ARHGEF6: variants seen among roughly 807,000 people sequenced by gnomAD.
ARHGEF6 encodes rho guanine nucleotide exchange factor 6.
A neutral mutation model predicts 70.3 loss-of-function variants in ARHGEF6; 9 were observed. The ratio of observed to expected loss-of-function variants is 0.13; its 90% CI spans 0.08 to 0.22. The LOEUF (loss-of-function observed/expected upper bound fraction) is 0.22, where lower values mean the gene tolerates loss of function less well. ARHGEF6 is among the 10% of genes least tolerant of loss of function. The pLI is 1.00. For synonymous variants in ARHGEF6, 201 were observed against 207.8 expected, an observed-to-expected ratio of 0.97 and a Z score of 0.28; for missense variants, 470 against 563.0, an observed-to-expected ratio of 0.83 and a Z score of 1.67.
intron 6 of ARHGEF6, among the ~76,000 whole-genome samples, chrX:136,716,693 T>C (rs757917932): frequency 8.9e-6 from 1 of 112,248 alleles, no homozygotes; most frequent in South Asian, 3.7e-4. Flanking sequence ...GTGATTAATA[T>C]ACTAAGGACT....
Position 136,682,762 on chromosome X carries a change from T to C in ARHGEF6, c.1475A>G (p.Tyr492Cys), listed in dbSNP as rs771303937. Residue 492 changes from tyrosine (Y) to cysteine (C), a missense_variant, in exon 13 of 22, where the codon TAT becomes TGT. Coordinates refer to ENST00000250617, the MANE Select transcript of ARHGEF6 (RefSeq NM_004840.3). Reference sequence around the variant, plus strand: ...TTTTATATGAAATTTACTAACCTGATAGATAAAGCCACTCATCCGAGGACT... The same window carrying C: ...TTTTATATGAAATTTACTAACCTGACAGATAAAGCCACTCATCCGAGGACT... ...SASPRMSGFI[Y>C]QGKIPIAGTV... The C allele has an allele frequency of 8.3e-7, 1 of 1,206,548 alleles. No individual in the cohort carries two copies. Among genetic ancestry groups the C allele is most frequent in the Non-Finnish European group, 1.1e-6 (1 of 890,783 alleles).
At chrX:136,723,593 G>A (rs2076822189) in intron 6 of ARHGEF6, among the ~76,000 whole-genome samples, 1 of 111,878 alleles carries the variant, frequency 8.9e-6, no homozygotes, top group South Asian at 3.7e-4. Context: ...AAGTAAAAAG[G>A]AGGAGGTAAG....
At chrX:136,686,697 CATATATATATACATATAT>C (rs1873704003) in intron 11 of ARHGEF6, among the ~76,000 whole-genome samples, 2 of 42,941 alleles carry the variant, frequency 4.7e-5, no homozygotes, top group Admixed American at 3.6e-4. Context: ...TATATATACA[CATATATATATACATATAT>C]ATATATATAT....
intron 2 of ARHGEF6, among the ~76,000 whole-genome samples, chrX:136,763,776 G>T (rs2077286277): frequency 9.0e-6 from 1 of 111,719 alleles, no homozygotes; most frequent in African/African-American, 3.3e-5. Context: ...AGTGAGCAGA[G>T]ATCGCACCAC....
intron 2 of ARHGEF6, 45 bp from the exon 3 acceptor site, chrX:136,747,637 A>C: frequency 1.1e-6 from 1 of 888,112 alleles, no homozygotes. Context: ...ACAAGTATTC[A>C]ACTCAACAAA....
intron 10 of ARHGEF6, among the ~76,000 whole-genome samples, chrX:136,690,116 T>A (rs1170635840): frequency 8.9e-6 from 1 of 112,049 alleles, no homozygotes; most frequent in East Asian, 2.8e-4. Flanking sequence ...AATACCAGAA[T>A]CTTCCACTGT....
At chrX:136,711,711 C>A (rs1240086196) in intron 7 of ARHGEF6, among the ~76,000 whole-genome samples, 1 of 110,720 alleles carries the variant, frequency 9.0e-6, no homozygotes. Context: ...TACAGGTGCG[C>A]ACCACCAAGC....
intron 11 of ARHGEF6, among the ~76,000 whole-genome samples, chrX:136,686,594 G>GTATATATATATATA (rs770923374): frequency 3.2e-4 from 18 of 57,140 alleles, no homozygotes; most frequent in Non-Finnish European, 4.7e-4. Flanking sequence ...GTATGTGTGT[G>GTATATATATATATA]TATATATATA....
At chrX:136,688,036 T>A (rs374715243) in intron 10 of ARHGEF6, 45 bp from the exon 11 acceptor site, 27 of 1,048,055 alleles carry the variant, frequency 2.6e-5, no homozygotes, top group Non-Finnish European at 3.6e-5. Flanking sequence ...GGAGAGAGGA[T>A]CAGCAGTTGC....
At position 136,723,156 on chromosome X, in the gene ARHGEF6, G is replaced by A. The variant is rs1189748305; in HGVS notation, c.732+8946C>T. ...CCAAGGGCTGGAGGGAATGGGAAATGGGAAGTGACTGCTAATGGATAGAAG... is the reference window on the plus strand; with the variant it reads ...CCAAGGGCTGGAGGGAATGGGAAATAGGAAGTGACTGCTAATGGATAGAAG... On this transcript the variant is annotated intron_variant, in intron 6 of 21. Coordinates refer to ENST00000250617, the MANE Select transcript of ARHGEF6 (RefSeq NM_004840.3). 5.4e-5 allele frequency among the ~76,000 whole-genome samples: 6 copies of A among 112,089 alleles called. No homozygotes were observed. The East Asian group carries it at 8.3e-4, about 16-fold the overall frequency.
rs775339565 is a variant in ARHGEF6, at chrX:136,667,187, C to T, written c.*842G>A. 1 of 112,291 alleles carries T rather than the reference C, an allele frequency of 8.9e-6. No individual in the cohort carries two copies. Among genetic ancestry groups the T allele is most frequent in the East Asian group, 2.8e-4 (1 of 3,579 alleles). 9.3% of individuals were successfully genotyped at this position (112,291 alleles called of 1,213,427 possible). ...CTAAAAGTACTGGGGAAATAGAAAA[C>T]TTACACACTAGGCAGAATGAGGGAA... is the stretch of plus-strand genomic sequence containing the variant. On this transcript the variant is annotated 3_prime_UTR_variant, in exon 22 of 22. Coordinates refer to ENST00000250617, the MANE Select transcript of ARHGEF6 (RefSeq NM_004840.3).
chrX:136,703,310 A>T (rs2076594155), intron 9 of ARHGEF6, among the ~76,000 whole-genome samples: 1 of 111,902 alleles, frequency 8.9e-6, no homozygotes, highest in Non-Finnish European at 1.9e-5. Flanking sequence ...CAACCCAAAA[A>T]ATGAAAGCAT....
intron 9 of ARHGEF6, among the ~76,000 whole-genome samples, chrX:136,704,469 C>T (rs1414282716): frequency 8.9e-6 from 1 of 111,968 alleles, no homozygotes; most frequent in African/African-American, 3.2e-5. Context: ...TGTATTAGTC[C>T]GTTTTCACAC....
chrX:136,688,066 G>A, intron 10 of ARHGEF6, 75 bp from the exon 11 acceptor site: 2 of 780,115 alleles, frequency 2.6e-6, no homozygotes, highest in Non-Finnish European at 2.0e-6. Context: ...GGGGTAGAAA[G>A]AGAGTATGGC....
At chrX:136,758,671 A>G (rs1459861368) in intron 2 of ARHGEF6, among the ~76,000 whole-genome samples, 3 of 111,530 alleles carry the variant, frequency 2.7e-5, no homozygotes, top group Non-Finnish European at 5.7e-5. Context: ...AGCTTGGCAT[A>G]AAGTAATGTT....
At chrX:136,728,446 A>C (rs1009520800) in intron 6 of ARHGEF6, among the ~76,000 whole-genome samples, 3 of 110,373 alleles carry the variant, frequency 2.7e-5, no homozygotes, top group Admixed American at 1.9e-4. Flanking sequence ...GGCTGAAATC[A>C]GCAGATAATC....
intron 10 of ARHGEF6, among the ~76,000 whole-genome samples, chrX:136,690,205 C>T (rs1043565509): frequency 1.8e-5 from 2 of 111,694 alleles, no homozygotes; most frequent in Non-Finnish European, 3.8e-5. Context: ...GTTCTTTGTA[C>T]ATTCTGATGT....
intron 9 of ARHGEF6, among the ~76,000 whole-genome samples, chrX:136,694,349 G>A (rs1224117855): frequency 1.8e-5 from 2 of 112,005 alleles, no homozygotes; most frequent in Non-Finnish European, 3.8e-5. Context: ...CACCGCGCCC[G>A]GCCTTGTCCC....
In ARHGEF6 at chrX:136,773,148, G is replaced by A. The variant is rs183697485; in HGVS notation, c.249+6266C>T. 3.0e-3 allele frequency among the ~76,000 whole-genome samples: 339 copies of A among 111,334 alleles called. 3 individuals are homozygous for A. Among genetic ancestry groups the A allele is most frequent in the African/African-American group, 1.0e-2 (306 of 30,663 alleles). On this transcript the variant is annotated intron_variant, in intron 2 of 21. Coordinates refer to ENST00000250617, the MANE Select transcript of ARHGEF6 (RefSeq NM_004840.3). ...AGCCCAGTACTCAATTTGTCGGTAC[G>A]GTGCTGCATCTGCGGCTCCATTTTT...
Sources: gnomAD v4.1 joint callset for allele counts (sites outside exome capture counted in the v4.1 genomes callset) on GRCh38, gnomAD v4.1.1 for gene constraint, MANE v1.5 for transcripts, NCBI Gene and HGNC (gene_info 2026-07-23, HGNC 2026-07-21) for gene names.